The following HEPHL1 variants were observed in gnomAD, a reference collection of about 807,000 sequenced individuals.
HEPHL1 encodes the protein hephaestin like 1.
Under a neutral mutation model 122.0 loss-of-function variants are expected in HEPHL1, and 123 were observed. That is an observed-to-expected ratio of 1.01 (90% CI 0.87 to 1.17). HEPHL1 has a LOEUF of 1.17. Ranked by LOEUF, HEPHL1 falls within the 50% of genes most tolerant of loss-of-function variation. The probability of loss-of-function intolerance (pLI) is 0.00; values close to 1 mark genes in which losing one functional copy is unlikely to be tolerated. For missense variants in HEPHL1, 1,452 were observed against 1,430.5 expected (o/e 1.01, Z -0.24); for synonymous variants, 527 against 508.9 (o/e 1.04, Z -0.48).
chr11:94,057,647 T>C lies in HEPHL1; in HGVS notation c.416-5861T>C, dbSNP rs562131532. On this transcript the variant is annotated intron_variant, in intron 2 of 19. Transcript: ENST00000315765. ...TCTATTTGCTTATTAAGATTCTCTATTTGTTGAGTTGTTTTTCCCACTTTT... is the reference window on the plus strand; with the variant it reads ...TCTATTTGCTTATTAAGATTCTCTACTTGTTGAGTTGTTTTTCCCACTTTT... 1.2e-4 allele frequency among the ~76,000 whole-genome samples: 19 copies of C among 152,268 alleles called. No individual in the cohort carries two copies. The Middle Eastern group carries it at 0.01, about 82-fold the overall frequency.
At chr11:94,035,180 T>C (rs1005321643) in intron 1 of HEPHL1, among the ~76,000 whole-genome samples, 4 of 152,218 alleles carry the variant, frequency 2.6e-5, no homozygotes, top group Non-Finnish European at 5.9e-5. Flanking sequence ...AAGCTCTTCC[T>C]TCTATTTGAG....
chr11:94,084,258 C>T (rs925728293), intron 10 of HEPHL1, among the ~76,000 whole-genome samples: 8 of 151,392 alleles, frequency 5.3e-5, no homozygotes, highest in African/African-American at 1.2e-4. Context: ...CTCTTCAGCC[C>T]GGGAGGTTGA....
chr11:94,063,179 G>A (rs975831558), intron 2 of HEPHL1, among the ~76,000 whole-genome samples: 5 of 152,122 alleles, frequency 3.3e-5, no homozygotes, highest in Admixed American at 2.0e-4. Flanking sequence ...TCAACTGAGG[G>A]GAATTGAAAT....
chr11:94,089,418 G>A (rs570985022), intron 12 of HEPHL1, among the ~76,000 whole-genome samples: 5 of 152,188 alleles, frequency 3.3e-5, no homozygotes, highest in Non-Finnish European at 5.9e-5. Context: ...ACCAAGGAGG[G>A]ACAGGAGGCC....
intron 2 of HEPHL1, among the ~76,000 whole-genome samples, chr11:94,060,352 G>A (rs1256116830): frequency 6.6e-6 from 1 of 151,388 alleles, no homozygotes; most frequent in Non-Finnish European, 1.5e-5. Context: ...TATATATATG[G>A]TGTGTGTGTA....
chr11:94,103,812 T>C (rs16919940), intron 15 of HEPHL1, among the ~76,000 whole-genome samples: 3,694 of 152,284 alleles, frequency 0.024, 155 homozygotes, highest in African/African-American at 0.085. Context: ...TACTGGACAG[T>C]TCTAGAGTTC....
intron 1 of HEPHL1, among the ~76,000 whole-genome samples, chr11:94,034,192 CT>C (rs1428181233): frequency 1.3e-5 from 2 of 152,306 alleles, no homozygotes; most frequent in East Asian, 3.9e-4. Flanking sequence ...GTGGATCCTT[CT>C]TCCCAGCTTG....
intron 13 of HEPHL1, among the ~76,000 whole-genome samples, chr11:94,099,523 A>G (rs1946349771): frequency 6.6e-6 from 1 of 152,168 alleles, no homozygotes; most frequent in Admixed American, 6.5e-5. Context: ...TGGGAGAACC[A>G]CTACTCTCTT....
At position 94,070,475 on chromosome 11, in the gene HEPHL1, A is replaced by C. The variant is rs772142324; in HGVS notation, c.1165A>C (p.Ile389Leu). 2 of 1,610,906 alleles carry C rather than the reference A, an allele frequency of 1.2e-6. No individual in the cohort carries two copies. Among genetic ancestry groups the C allele is most frequent in the East Asian group, 4.5e-5 (2 of 44,786 alleles). Residue 389 changes from isoleucine (I) to leucine (L), a missense_variant, in exon 6 of 20, where the codon ATT becomes CTT. Transcript: ENST00000315765. ...GCGCTACTTTATAGCAGCTGAAAAA[A>C]TTCTTTGGGATTATGCTCCTCAAGG... ...QRRYFIAAEK[I>L]LWDYAPQGYN...
Position 94,090,366 on chromosome 11 carries a change from T to A in HEPHL1, c.2294+1398T>A, listed in dbSNP as rs561669087. On this transcript the variant is annotated intron_variant, in intron 12 of 19. Coordinates refer to ENST00000315765, the MANE Select transcript of HEPHL1 (RefSeq NM_001098672.2). ...TTGTCATGTGTACAATCTTAGCCCA[T>A]GAATGTATAAAAATATAGCCTTTAT... Among the ~76,000 whole-genome samples the A allele has an allele frequency of 3.3e-5, 5 of 152,316 alleles. No homozygotes were observed. In the South Asian group the frequency reaches 1.0e-3, roughly 32 times the overall value.
chr11:94,057,356 C>T (rs867426235), intron 2 of HEPHL1, among the ~76,000 whole-genome samples: 1 of 152,004 alleles, frequency 6.6e-6, no homozygotes, highest in Non-Finnish European at 1.5e-5. Context: ...CCCACACTTT[C>T]TTTTTGTTGT....
rs376702946 is a variant in HEPHL1, at chr11:94,037,600, A to G, written c.171-8073A>G. Among the ~76,000 whole-genome samples the G allele has an allele frequency of 2.0e-5, 3 of 152,300 alleles. No homozygotes were observed. The South Asian group carries it at 6.2e-4, about 32-fold the overall frequency. On this transcript the variant is annotated intron_variant, in intron 1 of 19. Coordinates refer to ENST00000315765, the MANE Select transcript of HEPHL1 (RefSeq NM_001098672.2). Reference sequence around the variant, plus strand: ...AGCCTAACTGGGAGGCACCCCCCCAACAGGGGCATACTGACACCTCACACA... The same window carrying G: ...AGCCTAACTGGGAGGCACCCCCCCAGCAGGGGCATACTGACACCTCACACA...
At chr11:94,063,330 GTTTTACTGA>G (rs1715921985) in intron 2 of HEPHL1, among the ~76,000 whole-genome samples, 169 bp from the exon 3 acceptor site, 1 of 152,094 alleles carries the variant, frequency 6.6e-6, no homozygotes, top group African/African-American at 2.4e-5. Context: ...CAACATTTCA[GTTTTACTGA>G]TAGAGAACAG....
In HEPHL1 at chr11:94,067,503, T is replaced by C. The variant is rs1946043813; in HGVS notation, c.816T>C (p.Asn272=). The C allele has an allele frequency of 6.2e-7, 1 of 1,613,272 alleles. No homozygotes were observed. Among genetic ancestry groups the C allele is most frequent in the Non-Finnish European group, 8.5e-7 (1 of 1,179,462 alleles). The change falls in exon 5 of 20, where the codon AAT becomes AAC. Residue 272 remains asparagine (N), a synonymous_variant. Coordinates refer to ENST00000315765, the MANE Select transcript of HEPHL1 (RefSeq NM_001098672.2). The part of the protein sequence containing the change: ...FQRSNKMHAL[N]GYLFGNFPEP... ...GCGTGTTTCTGTTTCCAGCCCTCAA[T>C]GGATACCTCTTCGGAAACTTCCCGG...
Position 94,111,010 on chromosome 11 carries a change from G to A in HEPHL1, c.3153G>A (p.Val1051=). Residue 1051 remains valine (V), a synonymous_variant, in exon 18 of 20, where the codon GTG becomes GTA. Coordinates refer to ENST00000315765, the MANE Select transcript of HEPHL1 (RefSeq NM_001098672.2). ...GGACATGGCTGCTACACTGTCATGT[G>A]TCTGACCACATCCATGCTGGCATGG... ...HPGTWLLHCH[V]SDHIHAGMET... 6.2e-7 allele frequency: 1 copy of A among 1,609,658 alleles called. No homozygotes were observed. The highest frequency in any genetic ancestry group is 8.5e-7 in the Non-Finnish European group (1 of 1,177,714).
chr11:94,102,103 G>C (rs1946372164), intron 14 of HEPHL1, among the ~76,000 whole-genome samples: 1 of 152,128 alleles, frequency 6.6e-6, no homozygotes, highest in African/African-American at 2.4e-5. Context: ...ATATAGGTAT[G>C]GCACTGTCTG....
intron 1 of HEPHL1, among the ~76,000 whole-genome samples, chr11:94,029,538 C>T (rs920657686): frequency 1.3e-5 from 2 of 152,182 alleles, no homozygotes; most frequent in South Asian, 4.1e-4. Context: ...ATACAGATAC[C>T]ATGGTCTTGC....
intron 9 of HEPHL1, 79 bp from the exon 10 acceptor site, chr11:94,082,339 T>G: frequency 9.4e-7 from 1 of 1,065,646 alleles, no homozygotes; most frequent in Non-Finnish European, 1.3e-6. Context: ...TAATATTTTG[T>G]GTGAACTTTG....
chr11:94,087,644 T>A (rs1274178024), intron 11 of HEPHL1, among the ~76,000 whole-genome samples: 1 of 152,174 alleles, frequency 6.6e-6, no homozygotes, highest in Non-Finnish European at 1.5e-5. Context: ...ATTCCTCAAC[T>A]ATTGAAGTGC....
Sources: gnomAD v4.1 joint callset for allele counts (sites outside exome capture counted in the v4.1 genomes callset) on GRCh38, gnomAD v4.1.1 for gene constraint, MANE v1.5 for transcripts, NCBI Gene and HGNC (gene_info 2026-07-23, HGNC 2026-07-21) for gene names.